FMNL2: variants seen among roughly 807,000 people sequenced by gnomAD.
FMNL2 encodes formin like 2.
FMNL2 carries 51 observed loss-of-function variants against 130.2 expected under a neutral mutation model. That is an observed-to-expected ratio of 0.39 (90% CI 0.31 to 0.49). The LOEUF (loss-of-function observed/expected upper bound fraction) is 0.49. Ranked by LOEUF, FMNL2 falls within the 20% of genes least tolerant of loss-of-function variation. The pLI, the probability that FMNL2 is intolerant of heterozygous loss-of-function variation, is 0.85. For missense variants in FMNL2, 977 were observed against 1,316.2 expected (o/e 0.74, Z 3.99); for synonymous variants, 465 against 467.1 (o/e 1.00, Z 0.06).
At chr2:152,560,772 C>T (rs1643610757) in intron 5 of FMNL2, 111 bp from the exon 6 acceptor site, 36 of 972,532 alleles carry the variant, frequency 3.7e-5, no homozygotes, top group Non-Finnish European at 5.1e-5. Context: ...TTTACAAAGA[C>T]TTTCCATACT....
chr2:152,390,041 G>A (rs1449658311), intron 1 of FMNL2: 1 of 1,579,806 alleles, frequency 6.3e-7, no homozygotes, highest in Non-Finnish European at 8.7e-7. Flanking sequence ...ATGAGGCCCA[G>A]CTCAAGAACG....
intron 25 of FMNL2, among the ~76,000 whole-genome samples, chr2:152,644,296 T>C (rs1217697084): frequency 6.6e-6 from 1 of 152,204 alleles, no homozygotes; most frequent in Non-Finnish European, 1.5e-5. Flanking sequence ...TTTTATCCTA[T>C]ACCCAGTTAA....
At position 152,648,805 on chromosome 2, in the gene FMNL2, C is replaced by CTTAT. The variant is rs1553496485; in HGVS notation, c.*903_*906dup. ...TCTCCTCTGACAATCGCAATTTTTT[C>CTTAT]TTATTTTTTATAAATTCAAGAAGAT... On this transcript the variant is annotated 3_prime_UTR_variant, in exon 26 of 26. Coordinates refer to ENST00000288670, the MANE Select transcript of FMNL2 (RefSeq NM_052905.4). 3 of 152,568 alleles carry CTTAT rather than the reference C, an allele frequency of 2.0e-5. No individual in the cohort carries two copies. The highest frequency in any genetic ancestry group is 7.2e-5 in the African/African-American group (3 of 41,444). The allele number at this position is 152,568 out of a possible 1,614,324, so 9.5% of individuals were successfully genotyped here. A position where few individuals can be genotyped will look rare whatever the true frequency, so the allele number is the denominator to read the frequency against.
At chr2:152,596,707 A>G (rs1697791279) in intron 9 of FMNL2, among the ~76,000 whole-genome samples, 1 of 152,346 alleles carries the variant, frequency 6.6e-6, no homozygotes. Flanking sequence ...AGATAGCTGC[A>G]TTCTTAGATC....
intron 1 of FMNL2, among the ~76,000 whole-genome samples, chr2:152,371,989 T>G (rs1221579198): frequency 2.6e-5 from 4 of 152,168 alleles, no homozygotes. Flanking sequence ...TTCCCTTTCT[T>G]TATAAATTAC....
intron 1 of FMNL2, among the ~76,000 whole-genome samples, chr2:152,362,513 T>G (rs1276415132): frequency 6.6e-6 from 1 of 152,130 alleles, no homozygotes; most frequent in African/African-American, 2.4e-5. Context: ...ATAAGGAAAC[T>G]AGGACTGAAA....
At chr2:152,636,003 C>T (rs1007818349) in intron 21 of FMNL2, among the ~76,000 whole-genome samples, 5 of 152,186 alleles carry the variant, frequency 3.3e-5, no homozygotes, top group Non-Finnish European at 7.3e-5. Flanking sequence ...CTAAAACACA[C>T]AAAACCTTAG....
At chr2:152,568,311 G>T (rs1695977456) in intron 6 of FMNL2, among the ~76,000 whole-genome samples, 1 of 148,748 alleles carries the variant, frequency 6.7e-6, no homozygotes, top group African/African-American at 2.5e-5. Flanking sequence ...CACCTCCCAG[G>T]TTCAAGCAAT....
intron 1 of FMNL2, among the ~76,000 whole-genome samples, chr2:152,493,895 G>T (rs1691353457): frequency 6.6e-6 from 1 of 152,212 alleles, no homozygotes; most frequent in African/African-American, 2.4e-5. Context: ...GGGTTTGTAG[G>T]ATAGCCAGTG....
chr2:152,523,874 G>C (rs908999655), intron 2 of FMNL2, among the ~76,000 whole-genome samples: 1 of 152,118 alleles, frequency 6.6e-6, no homozygotes, highest in African/African-American at 2.4e-5. Context: ...TGCTTGAAAC[G>C]TGCTTATTGA....
intron 21 of FMNL2, among the ~76,000 whole-genome samples, chr2:152,635,369 T>C (rs1682504294): frequency 6.6e-6 from 1 of 152,210 alleles, no homozygotes; most frequent in Non-Finnish European, 1.5e-5. Context: ...AAATGCATTG[T>C]TGATGTTGCG....
intron 1 of FMNL2, among the ~76,000 whole-genome samples, chr2:152,455,374 A>G (rs577323192): frequency 1.8e-4 from 28 of 152,338 alleles, no homozygotes; most frequent in Admixed American, 1.8e-3. Flanking sequence ...TGTGAACGAA[A>G]CAAACAAATC....
chr2:152,347,837 C>T (rs1344880114), intron 1 of FMNL2, among the ~76,000 whole-genome samples: 1 of 152,182 alleles, frequency 6.6e-6, no homozygotes, highest in East Asian at 1.9e-4. Context: ...TTTGTAACTC[C>T]TGTATCCCTC....
At chr2:152,559,568 G>C (rs1695412149) in intron 5 of FMNL2, among the ~76,000 whole-genome samples, 1 of 152,140 alleles carries the variant, frequency 6.6e-6, no homozygotes, top group Non-Finnish European at 1.5e-5. Context: ...CCTCCCCAAA[G>C]TGTTGGGATT....
intron 1 of FMNL2, among the ~76,000 whole-genome samples, chr2:152,456,305 T>G (rs1167610670): frequency 6.6e-6 from 1 of 152,212 alleles, no homozygotes; most frequent in East Asian, 1.9e-4. Context: ...AAAAGGTAAA[T>G]AAGTGATCAC....
intron 1 of FMNL2, among the ~76,000 whole-genome samples, chr2:152,401,593 G>A (rs1232840299): frequency 6.6e-6 from 1 of 152,164 alleles, no homozygotes; most frequent in Non-Finnish European, 1.5e-5. Context: ...CCATGTCAGC[G>A]GCATTCACAG....
intron 2 of FMNL2, among the ~76,000 whole-genome samples, chr2:152,533,051 A>G (rs1693795765): frequency 6.6e-6 from 1 of 152,248 alleles, no homozygotes; most frequent in African/African-American, 2.4e-5. Context: ...TATTTATAAT[A>G]GTATTTTCTG....
chr2:152,443,218 G>A (rs1210671120), intron 1 of FMNL2, among the ~76,000 whole-genome samples: 2 of 152,156 alleles, frequency 1.3e-5, no homozygotes, highest in African/African-American at 2.4e-5. Context: ...AGCACTCAAT[G>A]AGCAGATTTT....
At chr2:152,513,960 G>C (rs755667330) in intron 1 of FMNL2, among the ~76,000 whole-genome samples, 3 of 152,168 alleles carry the variant, frequency 2.0e-5, no homozygotes, top group Admixed American at 6.5e-5. Context: ...CATCCTCTAG[G>C]CTAGGAAGAT....
Sources: gnomAD v4.1 joint callset for allele counts (sites outside exome capture counted in the v4.1 genomes callset) on GRCh38, gnomAD v4.1.1 for gene constraint, MANE v1.5 for transcripts, NCBI Gene and HGNC (gene_info 2026-07-23, HGNC 2026-07-21) for gene names.